DESI2: variants seen among roughly 807,000 people sequenced by gnomAD.
DESI2 encodes deubiquitinase DESI2.
In DESI2, 10 loss-of-function variants were observed where a neutral mutation model predicts 24.1. The ratio of observed to expected loss-of-function variants is 0.41; its 90% CI spans 0.26 to 0.70. DESI2 has a LOEUF of 0.70. DESI2 is among the 30% of genes least tolerant of loss of function. The pLI, the probability that DESI2 is intolerant of heterozygous loss-of-function variation, is 0.29. For synonymous variants in DESI2, 71 were observed against 87.7 expected (o/e 0.81, Z 1.06); for missense variants, 122 against 234.9 (o/e 0.52, Z 3.14).
Position 244,653,779 on chromosome 1 carries a change from T to A in DESI2, c.42+424T>A, listed in dbSNP as rs140881302. ...TCCTCTGCTTCTGCCGAACTGTCCG[T>A]CTCTCTCCATGGCTACGTCTTCAGA... On this transcript the variant is annotated intron_variant, in intron 1 of 4. Transcript: ENST00000302550. 43 of 349,970 alleles carry A rather than the reference T, an allele frequency of 1.2e-4. No individual in the cohort carries two copies. The East Asian group carries it at 3.0e-3, about 24-fold the overall frequency. 21.7% of individuals were successfully genotyped at this position (349,970 alleles called of 1,614,324 possible).
intron 1 of DESI2, among the ~76,000 whole-genome samples, chr1:244,655,125 A>G (rs781584981): frequency 5.3e-5 from 8 of 152,212 alleles, no homozygotes; most frequent in Non-Finnish European, 8.8e-5. Context: ...GGTATTCAGT[A>G]TTTTCGAAGG....
chr1:244,690,708 CAAAAA>C (rs34260121), intron 3 of DESI2, among the ~76,000 whole-genome samples: 1 of 70,362 alleles, frequency 1.4e-5, no homozygotes. Context: ...TCCGTCTCAC[CAAAAA>C]AAAAAAAAAA....
At chr1:244,657,397 C>T (rs1389558448) in intron 1 of DESI2, among the ~76,000 whole-genome samples, 1 of 152,240 alleles carries the variant, frequency 6.6e-6, no homozygotes, top group Non-Finnish European at 1.5e-5. Context: ...AGCGCACATT[C>T]TTCCTCTTGC....
Position 244,705,712 on chromosome 1 carries a change from G to A in DESI2, c.508G>A (p.Ala170Thr), listed in dbSNP as rs755340835. 1.2e-6 allele frequency: 2 copies of A among 1,614,086 alleles called. No homozygotes were observed. The highest frequency in any genetic ancestry group is 3.3e-5 in the Admixed American group (2 of 60,020). ...SQELQDELEEAEDAAASASVA... is the reference protein window; with the variant it reads ...SQELQDELEETEDAAASASVA... ...AGAACTCCAGGATGAACTGGAGGAA[G>A]CAGAGGATGCTGCCGCATCCGCTTC... The change falls in exon 5 of 5, where the codon GCA becomes ACA. Residue 170 changes from alanine (A) to threonine (T), a missense_variant. Physicochemically the swap from Ala to Thr is moderately conservative, Grantham distance 58. Coordinates refer to ENST00000302550, the MANE Select transcript of DESI2 (RefSeq NM_016076.5).
At chr1:244,705,493 C>A in intron 4 of DESI2, 63 bp from the exon 5 acceptor site, 2 of 1,451,246 alleles carry the variant, frequency 1.4e-6, no homozygotes, top group South Asian at 1.2e-5. Context: ...CCTCCACTCC[C>A]TGGCAGTGGA....
In DESI2 at chr1:244,708,747, C is replaced by T. The variant is rs570576934; in HGVS notation, c.*2958C>T. ...CAAGCTAGCCATACAACCATTGTAT[C>T]TCTTTCTCTTCAGTATGGTTTAGAG... On this transcript the variant is annotated 3_prime_UTR_variant, in exon 5 of 5. Coordinates refer to ENST00000302550, the MANE Select transcript of DESI2 (RefSeq NM_016076.5). 2 of 152,698 alleles carry T rather than the reference C, an allele frequency of 1.3e-5. No individual in the cohort carries two copies. The highest frequency in any genetic ancestry group is 4.1e-4 in the South Asian group (2 of 4,824). 9.5% of individuals were successfully genotyped at this position (152,698 alleles called of 1,614,324 possible).
chr1:244,675,475 C>G (rs1676386207), intron 1 of DESI2, among the ~76,000 whole-genome samples: 1 of 152,124 alleles, frequency 6.6e-6, no homozygotes, highest in Non-Finnish European at 1.5e-5. Context: ...AGGTAGAAGA[C>G]CAGCTTCATT....
chr1:244,677,569 T>C (rs768130300), intron 1 of DESI2, among the ~76,000 whole-genome samples: 26 of 152,186 alleles, frequency 1.7e-4, no homozygotes, highest in Non-Finnish European at 5.9e-5. Context: ...TCAACATTAA[T>C]TTTTGCCTTG....
chr1:244,686,107 C>CA (rs1491156553), intron 1 of DESI2, among the ~76,000 whole-genome samples: 2 of 152,116 alleles, frequency 1.3e-5, no homozygotes, highest in Non-Finnish European at 2.9e-5. Context: ...TTACCATTAT[C>CA]AAACTTTGAG....
intron 1 of DESI2, among the ~76,000 whole-genome samples, chr1:244,663,281 ATTC>A (rs2148784437): frequency 6.6e-6 from 1 of 151,316 alleles, no homozygotes; most frequent in East Asian, 2.0e-4. Context: ...GGTTCACGCC[ATTC>A]TTCTGCCTCA....
chr1:244,676,915 T>A (rs2148795892), intron 1 of DESI2, among the ~76,000 whole-genome samples: 1 of 76,440 alleles, frequency 1.3e-5, no homozygotes, highest in African/African-American at 4.3e-5. Context: ...GTATATTACA[T>A]TAATTTTTTT....
intron 4 of DESI2, among the ~76,000 whole-genome samples, chr1:244,703,528 G>C (rs1051469735): frequency 2.6e-5 from 4 of 151,934 alleles, no homozygotes. Flanking sequence ...GCAAATTTGT[G>C]TGTGTGTAAA....
At position 244,706,942 on chromosome 1, in the gene DESI2, G is replaced by A. The variant is rs1196430912; in HGVS notation, c.*1153G>A. The A allele has an allele frequency of 1.3e-5, 2 of 152,518 alleles. No individual in the cohort carries two copies. The highest frequency in any genetic ancestry group is 3.8e-4 in the East Asian group (2 of 5,198). The allele number at this position is 152,518 out of a possible 1,614,324, so 9.4% of individuals were successfully genotyped here. A position where few individuals can be genotyped will look rare whatever the true frequency, so the allele number is the denominator to read the frequency against. On this transcript the variant is annotated 3_prime_UTR_variant, in exon 5 of 5. Transcript: ENST00000302550. Reference sequence around the variant, plus strand: ...GTTCTCTCAAATGTATGTCTCTTACGTAACATACTCTAAGAATGAAACTGT... The same window carrying A: ...GTTCTCTCAAATGTATGTCTCTTACATAACATACTCTAAGAATGAAACTGT...
At chr1:244,688,367 A>C (rs1177040069) in intron 2 of DESI2, among the ~76,000 whole-genome samples, 1 of 152,236 alleles carries the variant, frequency 6.6e-6, no homozygotes, top group Non-Finnish European at 1.5e-5. Context: ...TTTATTTCTC[A>C]AACTACATCA....
At chr1:244,686,088 C>T (rs1421264544) in intron 1 of DESI2, among the ~76,000 whole-genome samples, 1 of 152,104 alleles carries the variant, frequency 6.6e-6, no homozygotes, top group Non-Finnish European at 1.5e-5. Flanking sequence ...ATTGTTTATT[C>T]TTATATTATT....
intron 4 of DESI2, among the ~76,000 whole-genome samples, chr1:244,702,343 G>A (rs1408429968): frequency 1.1e-4 from 17 of 152,064 alleles, no homozygotes; most frequent in Admixed American, 4.6e-4. Context: ...GTGAAACGCC[G>A]TCTCTACTAA....
At chr1:244,703,893 C>G (rs930394814) in intron 4 of DESI2, among the ~76,000 whole-genome samples, 2 of 152,046 alleles carry the variant, frequency 1.3e-5, no homozygotes. Flanking sequence ...CTCCTGACCT[C>G]ATGATCTGCC....
chr1:244,686,189 G>A (rs1676812445), intron 1 of DESI2, among the ~76,000 whole-genome samples: 1 of 152,068 alleles, frequency 6.6e-6, no homozygotes, highest in Non-Finnish European at 1.5e-5. Context: ...CTTTCAGGGA[G>A]CTCACCAAAG....
intron 1 of DESI2, among the ~76,000 whole-genome samples, chr1:244,682,262 TGCTGATTGGTCTGTTTTTTACAGAGC>T: frequency 1.3e-5 from 2 of 152,160 alleles, no homozygotes; most frequent in Admixed American, 1.3e-4. Context: ...TTTTACAGAG[TGCTGATTGGTCTGTTTTTTACAGAGC>T]GCTGATGGGT....
Sources: allele counts gnomAD v4.1 joint callset (sites outside exome capture counted in the v4.1 genomes callset), GRCh38; gene constraint gnomAD v4.1.1; transcripts MANE v1.5; gene names NCBI Gene and HGNC (gene_info 2026-07-23, HGNC 2026-07-21).